The following ERBB4 variants were observed in gnomAD, a reference collection of about 807,000 sequenced individuals.
ERBB4 encodes the protein erb-b2 receptor tyrosine kinase 4.
Under a neutral mutation model 158.0 loss-of-function variants are expected in ERBB4, and 42 were observed. That is an observed-to-expected ratio of 0.27 (90% CI 0.21 to 0.34). The LOEUF is 0.34. ERBB4 is among the 10% of genes least tolerant of loss of function. The probability of loss-of-function intolerance (pLI) is 1.00; values close to 1 mark genes in which losing one functional copy is unlikely to be tolerated. For missense variants in ERBB4, 1,333 were observed against 1,624.1 expected (o/e 0.82, Z 3.08); for synonymous variants, 583 against 558.7 (o/e 1.04, Z -0.61).
chr2:211,818,721 T>C (rs1298968245), intron 3 of ERBB4, among the ~76,000 whole-genome samples: 3 of 152,098 alleles, frequency 2.0e-5, no homozygotes, highest in Non-Finnish European at 4.4e-5. Flanking sequence ...CTTGAAACTA[T>C]TTTTTCAACA....
intron 1 of ERBB4, among the ~76,000 whole-genome samples, chr2:212,232,125 T>C (rs2083685026): frequency 6.6e-6 from 1 of 152,180 alleles, no homozygotes; most frequent in African/African-American, 2.4e-5. Context: ...ATAATAATAG[T>C]ACTTTTTTTC....
At chr2:211,749,480 C>T (rs2075065808) in intron 5 of ERBB4, among the ~76,000 whole-genome samples, 1 of 151,426 alleles carries the variant, frequency 6.6e-6, no homozygotes, top group African/African-American at 2.4e-5. Flanking sequence ...TATTTGTTGC[C>T]TATGGAGAGC....
chr2:212,184,249 G>T (rs1275631008), intron 1 of ERBB4, among the ~76,000 whole-genome samples: 1 of 151,972 alleles, frequency 6.6e-6, no homozygotes, highest in Non-Finnish European at 1.5e-5. Flanking sequence ...AAATGACCTG[G>T]ACCTCTTTTC....
At chr2:212,521,818 A>T (rs1395535341) in intron 1 of ERBB4, among the ~76,000 whole-genome samples, 1 of 151,814 alleles carries the variant, frequency 6.6e-6, no homozygotes, top group African/African-American at 2.4e-5. Flanking sequence ...CCTCTATTTT[A>T]CTCCTTGCAA....
chr2:212,185,027 T>TTTTTCTTTTTA (rs1171485609), intron 1 of ERBB4, among the ~76,000 whole-genome samples: 3 of 141,692 alleles, frequency 2.1e-5, no homozygotes, highest in Non-Finnish European at 3.1e-5. Context: ...TTTTCTTTTT[T>TTTTTCTTTTTA]TTTTTTCTTT....
At chr2:211,678,310 C>A (rs58696927) in intron 13 of ERBB4, among the ~76,000 whole-genome samples, 65,629 of 103,480 alleles carry the variant, frequency 0.63, 15,364 homozygotes, top group Middle Eastern at 0.66. Context: ...CAAAAAAAAA[C>A]AAACAAACAA....
At chr2:212,524,148 T>C (rs761935338) in intron 1 of ERBB4, among the ~76,000 whole-genome samples, 1 of 152,020 alleles carries the variant, frequency 6.6e-6, no homozygotes, top group Non-Finnish European at 1.5e-5. Context: ...TATTATTCTG[T>C]TGTAATATGA....
intron 1 of ERBB4, among the ~76,000 whole-genome samples, chr2:212,315,534 G>A (rs1269539191): frequency 6.6e-6 from 1 of 151,348 alleles, no homozygotes; most frequent in Non-Finnish European, 1.5e-5. Context: ...TTCTATGCTG[G>A]CAAAATAGTA....
chr2:211,836,794 T>C (rs1313677595), intron 3 of ERBB4, among the ~76,000 whole-genome samples: 1 of 151,936 alleles, frequency 6.6e-6, no homozygotes, highest in Non-Finnish European at 1.5e-5. Flanking sequence ...TATATTATTA[T>C]ATAATATTTC....
chr2:212,005,471 C>A (rs1197643203), intron 2 of ERBB4, among the ~76,000 whole-genome samples: 1 of 151,984 alleles, frequency 6.6e-6, no homozygotes, highest in Non-Finnish European at 1.5e-5. Flanking sequence ...TCTGTAATAG[C>A]GGGAGGTTAT....
chr2:211,708,543 T>C (rs2073541067), intron 9 of ERBB4, among the ~76,000 whole-genome samples: 1 of 152,074 alleles, frequency 6.6e-6, no homozygotes, highest in South Asian at 2.1e-4. Flanking sequence ...CTGTGATTTT[T>C]CCTTTCCACT....
At chr2:212,156,815 T>C (rs1358564147) in intron 1 of ERBB4, among the ~76,000 whole-genome samples, 4 of 152,088 alleles carry the variant, frequency 2.6e-5, no homozygotes, top group African/African-American at 4.8e-5. Flanking sequence ...CTCTCCTTCA[T>C]CAAATAGATC....
At chr2:211,794,822 G>A (rs532921148) in intron 3 of ERBB4, among the ~76,000 whole-genome samples, 13 of 151,760 alleles carry the variant, frequency 8.6e-5, no homozygotes, top group South Asian at 8.3e-4. Context: ...GTGTGTCAAC[G>A]TCTAACTTTT....
At chr2:212,005,284 A>C (rs912945722) in intron 2 of ERBB4, among the ~76,000 whole-genome samples, 2 of 152,318 alleles carry the variant, frequency 1.3e-5, no homozygotes, top group South Asian at 4.1e-4. Context: ...TCTAGAGGGC[A>C]GACCTGGAAC....
At chr2:211,549,262 A>G (rs1433759820) in intron 20 of ERBB4, among the ~76,000 whole-genome samples, 1 of 152,098 alleles carries the variant, frequency 6.6e-6, no homozygotes, top group African/African-American at 2.4e-5. Flanking sequence ...TGAGAAATTG[A>G]CTTATTTCTA....
At chr2:211,779,728 C>T (rs1278167404) in intron 4 of ERBB4, 1 of 152,162 alleles carries the variant, frequency 6.6e-6, no homozygotes, top group East Asian at 1.9e-4. Flanking sequence ...CTGTCCACCA[C>T]CTTACCGCAC....
intron 12 of ERBB4, among the ~76,000 whole-genome samples, chr2:211,690,397 G>T (rs1439006656): frequency 6.6e-6 from 1 of 152,080 alleles, no homozygotes; most frequent in African/African-American, 2.4e-5. Context: ...TACATGCTTT[G>T]ACATAAATTG....
At chr2:211,589,055 T>C (rs1387861211) in intron 19 of ERBB4, among the ~76,000 whole-genome samples, 2 of 152,154 alleles carry the variant, frequency 1.3e-5, no homozygotes, top group Non-Finnish European at 2.9e-5. Context: ...AAATCTATAA[T>C]TGCAATCTGA....
chr2:211,777,504 G>A (rs191711095), intron 4 of ERBB4: 169 of 152,248 alleles, frequency 1.1e-3, no homozygotes, highest in African/African-American at 4.1e-3. Context: ...TCACAACCCT[G>A]TCACTATCTC....
Sources: allele counts gnomAD v4.1 joint callset (sites outside exome capture counted in the v4.1 genomes callset), GRCh38; gene constraint gnomAD v4.1.1; transcripts MANE v1.5; gene names NCBI Gene and HGNC (gene_info 2026-07-23, HGNC 2026-07-21).